Variants in MNAT1 observed in about 807,000 individuals in gnomAD.
The protein encoded by MNAT1 is MNAT1 component of CDK activating kinase, also known as CDK-activating kinase assembly factor MAT1.
Under a neutral mutation model 42.0 loss-of-function variants are expected in MNAT1, and 43 were observed. The ratio of observed to expected loss-of-function variants is 1.02; its 90% CI spans 0.80 to 1.32. The LOEUF (loss-of-function observed/expected upper bound fraction) is 1.32, where lower values mean the gene tolerates loss of function less well. MNAT1 is among the 40% of genes most tolerant of loss of function. The pLI is 0.00. For missense variants in MNAT1, 306 were observed against 350.4 expected, an observed-to-expected ratio of 0.87 and a Z score of 1.01; for synonymous variants, 118 against 120.0, an observed-to-expected ratio of 0.98 and a Z score of 0.11.
At chr14:60,775,633 A>G (rs1303451690) in intron 1 of MNAT1, among the ~76,000 whole-genome samples, 3 of 152,232 alleles carry the variant, frequency 2.0e-5, no homozygotes, top group East Asian at 3.8e-4. Flanking sequence ...GATATAGAGC[A>G]TAACTGGAGG....
At chr14:60,817,700 G>C (rs370462220) in intron 5 of MNAT1, among the ~76,000 whole-genome samples, 15 of 152,110 alleles carry the variant, frequency 9.9e-5, no homozygotes, top group Admixed American at 5.2e-4. Context: ...TGTTTGCTTT[G>C]TGCTGTGAAA....
intron 1 of MNAT1, among the ~76,000 whole-genome samples, chr14:60,779,228 GC>G (rs2031358651): frequency 2.0e-5 from 3 of 152,170 alleles, no homozygotes; most frequent in Non-Finnish European, 4.4e-5. Flanking sequence ...GTGTTCCTAA[GC>G]CCATTATTTT....
At chr14:60,769,925 A>T (rs1325658784) in intron 1 of MNAT1, among the ~76,000 whole-genome samples, 1 of 152,180 alleles carries the variant, frequency 6.6e-6, no homozygotes, top group East Asian at 1.9e-4. Flanking sequence ...TTGGCCTCCC[A>T]AAGCACTGGG....
intron 3 of MNAT1, among the ~76,000 whole-genome samples, chr14:60,804,668 G>C (rs1214764398): frequency 6.6e-6 from 1 of 152,058 alleles, no homozygotes; most frequent in Non-Finnish European, 1.5e-5. Context: ...TAGGACTACA[G>C]GTGTGTACCA....
intron 6 of MNAT1, among the ~76,000 whole-genome samples, chr14:60,852,003 A>G (rs1195703758): frequency 1.3e-5 from 2 of 152,170 alleles, no homozygotes; most frequent in Non-Finnish European, 2.9e-5. Context: ...ATAGTGCTGC[A>G]ATAAACATAC....
At chr14:60,798,211 C>T in intron 3 of MNAT1, 51 bp downstream of exon 3, 3 of 929,598 alleles carry the variant, frequency 3.2e-6, no homozygotes, top group Non-Finnish European at 5.1e-6. Context: ...GTGCTTTTAT[C>T]TTTTAAATGC....
At chr14:60,840,407 A>C (rs1431044388) in intron 6 of MNAT1, among the ~76,000 whole-genome samples, 1 of 152,168 alleles carries the variant, frequency 6.6e-6, no homozygotes, top group African/African-American at 2.4e-5. Context: ...TTGACTGGGG[A>C]GTTCTTGTGC....
intron 4 of MNAT1, among the ~76,000 whole-genome samples, chr14:60,811,604 T>C (rs1479089046): frequency 2.0e-5 from 3 of 152,048 alleles, no homozygotes; most frequent in Non-Finnish European, 4.4e-5. Flanking sequence ...GTAGGGCTCT[T>C]ATTTCTTATC....
Position 60,796,327 on chromosome 14 carries a change from C to T in MNAT1, c.200C>T (p.Thr67Ile). 6.2e-7 allele frequency: 1 copy of T among 1,613,626 alleles called. No individual in the cohort carries two copies. ...NFRVQLFEDP[T>I]VDKEVEIRKK... ...AGGGTACAACTCTTTGAAGATCCCA[C>T]TGTTGACAAGGAGGTTGAGATCAGG... Residue 67 changes from threonine to isoleucine, a missense_variant, in exon 2 of 8, where the codon ACT becomes ATT. By Grantham distance (89) the Thr-to-Ile change is moderately conservative (BLOSUM62 -1). Transcript: ENST00000261245.
chr14:60,952,718 G>A (rs2036407554), intron 7 of MNAT1, among the ~76,000 whole-genome samples: 1 of 151,976 alleles, frequency 6.6e-6, no homozygotes, highest in Non-Finnish European at 1.5e-5. Context: ...AGGTACAAAG[G>A]GCCACCCATG....
chr14:60,784,440 A>G (rs774560846), intron 1 of MNAT1, among the ~76,000 whole-genome samples: 16 of 151,594 alleles, frequency 1.1e-4, no homozygotes, highest in Non-Finnish European at 2.1e-4. Context: ...CGGCCTTCCA[A>G]AGTGTTGGGA....
intron 1 of MNAT1, among the ~76,000 whole-genome samples, chr14:60,793,207 G>T (rs969338450): frequency 6.6e-6 from 1 of 151,234 alleles, no homozygotes; most frequent in African/African-American, 2.4e-5. Flanking sequence ...TTGCTTGTTT[G>T]TTTGTTTGTT....
chr14:60,955,624 G>C (rs1422406804), intron 7 of MNAT1, among the ~76,000 whole-genome samples: 4 of 152,166 alleles, frequency 2.6e-5, no homozygotes, highest in Non-Finnish European at 5.9e-5. Flanking sequence ...TCGCACCATT[G>C]CACTCAAACC....
rs113702325 is a variant in MNAT1, at chr14:60,818,605, G to C, written c.562-117G>C. 1.6e-5 allele frequency: 13 copies of C among 831,992 alleles called. No homozygotes were observed. In the African/African-American group the frequency reaches 1.7e-4, roughly 11 times the overall value. 51.5% of individuals were successfully genotyped at this position (831,992 alleles called of 1,614,324 possible). A position where few individuals can be genotyped will look rare whatever the true frequency, so the allele number is the denominator to read the frequency against. On this transcript the variant is annotated intron_variant, in intron 5 of 7. Coordinates refer to ENST00000261245, the MANE Select transcript of MNAT1 (RefSeq NM_002431.4). ...TTTTTTGTAAAGTGTCCTCCATAAT[G>C]TGAATATTTAGTTTGACATGAAATG...
chr14:60,829,759 C>G (rs1325524146), intron 6 of MNAT1, among the ~76,000 whole-genome samples: 1 of 152,128 alleles, frequency 6.6e-6, no homozygotes. Context: ...ATATTCTTAG[C>G]CTAGGATGTA....
At chr14:60,786,502 CTCT>C (rs1184459112) in intron 1 of MNAT1, among the ~76,000 whole-genome samples, 1 of 151,928 alleles carries the variant, frequency 6.6e-6, no homozygotes, top group East Asian at 1.9e-4. Context: ...CCCTCAAGAC[CTCT>C]TATTTATGAA....
At chr14:60,742,588 T>C (rs2140284968) in intron 1 of MNAT1, among the ~76,000 whole-genome samples, 1 of 152,320 alleles carries the variant, frequency 6.6e-6, no homozygotes, top group Admixed American at 6.5e-5. Context: ...GCTTTTAGTA[T>C]ATTCTCAGAG....
intron 7 of MNAT1, chr14:60,920,293 A>G (rs1172923594): frequency 6.6e-6 from 1 of 152,230 alleles, no homozygotes; most frequent in African/African-American, 2.4e-5. Context: ...GATTATTTTT[A>G]TCATCACAAT....
chr14:60,851,383 A>C (rs2139417592), intron 6 of MNAT1, among the ~76,000 whole-genome samples: 1 of 151,830 alleles, frequency 6.6e-6, no homozygotes, highest in East Asian at 1.9e-4. Context: ...CTCTGCAGAT[A>C]CTGCGTTTTT....
Sources: allele counts gnomAD v4.1 joint callset (sites outside exome capture counted in the v4.1 genomes callset), GRCh38; gene constraint gnomAD v4.1.1; transcripts MANE v1.5; gene names NCBI Gene and HGNC (gene_info 2026-07-23, HGNC 2026-07-21).